PRKG1: variants seen among roughly 807,000 people sequenced by gnomAD.
PRKG1 encodes cGMP-dependent protein kinase 1.
PRKG1 carries 35 observed loss-of-function variants against 88.1 expected under a neutral mutation model. The observed-to-expected ratio is 0.40, with a 90% CI of 0.30 to 0.53. PRKG1 has a LOEUF of 0.53. Ranked by LOEUF, PRKG1 falls within the 20% of genes least tolerant of loss-of-function variation. The pLI is 0.59. For synonymous variants in PRKG1, 303 were observed against 292.5 expected, an observed-to-expected ratio of 1.04 and a Z score of -0.37; for missense variants, 540 against 839.8, an observed-to-expected ratio of 0.64 and a Z score of 4.41.
At chr10:51,619,646 A>G (rs35269043) in intron 3 of PRKG1, among the ~76,000 whole-genome samples, 2 of 152,210 alleles carry the variant, frequency 1.3e-5, no homozygotes, top group African/African-American at 4.8e-5. Context: ...TGATTGCATT[A>G]TCATCCCAGA....
chr10:51,321,897 C>T (rs1046921960), intron 2 of PRKG1, among the ~76,000 whole-genome samples: 7 of 151,980 alleles, frequency 4.6e-5, no homozygotes, highest in Non-Finnish European at 1.5e-5. Context: ...ATTATGTACC[C>T]TCAAAAATTA....
At chr10:51,279,966 C>T (rs1840245421) in intron 2 of PRKG1, among the ~76,000 whole-genome samples, 1 of 152,178 alleles carries the variant, frequency 6.6e-6, no homozygotes. Flanking sequence ...TTCTTCCTAG[C>T]ATCGATGGCC....
chr10:52,039,106 C>G (rs1845691233), intron 5 of PRKG1, among the ~76,000 whole-genome samples: 1 of 152,138 alleles, frequency 6.6e-6, no homozygotes, highest in Non-Finnish European at 1.5e-5. Context: ...AGTCACGGCA[C>G]CAAATTTCAT....
At chr10:51,049,253 G>T (rs1266653040) in intron 1 of PRKG1, among the ~76,000 whole-genome samples, 1 of 152,174 alleles carries the variant, frequency 6.6e-6, no homozygotes, top group African/African-American at 2.4e-5. Flanking sequence ...AGAGAGACTT[G>T]ATATATTTGT....
intron 9 of PRKG1, among the ~76,000 whole-genome samples, chr10:52,224,276 C>A (rs1427812194): frequency 1.3e-5 from 2 of 152,044 alleles, no homozygotes; most frequent in Non-Finnish European, 2.9e-5. Context: ...TGCTCCAGAG[C>A]AACTGCAGTT....
chr10:51,570,802 A>C (rs187270504), intron 3 of PRKG1, among the ~76,000 whole-genome samples: 12 of 152,016 alleles, frequency 7.9e-5, no homozygotes, highest in Admixed American at 6.6e-4. Context: ...AAATGAGATC[A>C]CTTCTTTTTA....
At chr10:51,344,237 G>A (rs997229293) in intron 2 of PRKG1, among the ~76,000 whole-genome samples, 2 of 152,130 alleles carry the variant, frequency 1.3e-5, no homozygotes, top group Non-Finnish European at 2.9e-5. Flanking sequence ...ATGGCTAGAG[G>A]AGTAGGAGCA....
intron 2 of PRKG1, among the ~76,000 whole-genome samples, chr10:51,191,264 T>C (rs1564632864): frequency 6.6e-6 from 1 of 151,850 alleles, no homozygotes; most frequent in African/African-American, 2.4e-5. Context: ...CTCTGAGAAA[T>C]AGTTTACCAT....
intron 9 of PRKG1, among the ~76,000 whole-genome samples, chr10:52,238,524 A>G (rs1051506043): frequency 2.0e-5 from 3 of 152,064 alleles, no homozygotes; most frequent in African/African-American, 7.2e-5. Context: ...ATGAACAGAC[A>G]CTTCTCAAAA....
chr10:51,857,974 T>G (rs867555020), intron 4 of PRKG1, among the ~76,000 whole-genome samples: 47 of 147,808 alleles, frequency 3.2e-4, no homozygotes, highest in African/African-American at 1.0e-3. Flanking sequence ...TCTATGTTGT[T>G]TTTAACACTG....
chr10:51,747,082 G>T (rs71459426), intron 3 of PRKG1, among the ~76,000 whole-genome samples: 1 of 152,174 alleles, frequency 6.6e-6, no homozygotes, highest in African/African-American at 2.4e-5. Context: ...GTCACTGGGG[G>T]TTTTTGCTTG....
intron 1 of PRKG1, among the ~76,000 whole-genome samples, chr10:51,021,868 A>T (rs1470359927): frequency 2.6e-5 from 4 of 151,890 alleles, no homozygotes; most frequent in African/African-American, 9.7e-5. Context: ...TTTAGTAGAG[A>T]TGGGGTTTCA....
chr10:51,681,624 A>G (rs1840851200), intron 3 of PRKG1, among the ~76,000 whole-genome samples: 1 of 152,186 alleles, frequency 6.6e-6, no homozygotes, highest in African/African-American at 2.4e-5. Flanking sequence ...TAAAATATGC[A>G]TAATTATAGG....
chr10:52,024,978 C>T (rs1224337012), intron 5 of PRKG1, among the ~76,000 whole-genome samples: 1 of 152,194 alleles, frequency 6.6e-6, no homozygotes, highest in East Asian at 1.9e-4. Context: ...TCTCCACATC[C>T]TCTCCAACAT....
At chr10:51,618,434 C>T (rs930011486) in intron 3 of PRKG1, among the ~76,000 whole-genome samples, 3 of 152,166 alleles carry the variant, frequency 2.0e-5, no homozygotes, top group Admixed American at 6.5e-5. Context: ...AGAGCCAAGC[C>T]TTCAAGAAAA....
chr10:52,030,937 A>G (rs1589536451), intron 5 of PRKG1, among the ~76,000 whole-genome samples: 3 of 152,324 alleles, frequency 2.0e-5, no homozygotes, highest in Non-Finnish European at 4.4e-5. Context: ...AATGTATTTT[A>G]TTACATTATA....
At chr10:51,260,213 A>G (rs1839668539) in intron 2 of PRKG1, among the ~76,000 whole-genome samples, 1 of 152,210 alleles carries the variant, frequency 6.6e-6, no homozygotes, top group Middle Eastern at 3.2e-3. Flanking sequence ...CCAGAAAACC[A>G]CTATTAATAA....
chr10:51,191,236 A>G (rs1433825762), intron 2 of PRKG1, among the ~76,000 whole-genome samples: 1 of 151,828 alleles, frequency 6.6e-6, no homozygotes, highest in Non-Finnish European at 1.5e-5. Context: ...GAGAACCAGA[A>G]CCACATTGGG....
intron 3 of PRKG1, among the ~76,000 whole-genome samples, chr10:51,651,655 C>T (rs1349918851): frequency 6.6e-6 from 1 of 151,636 alleles, no homozygotes; most frequent in African/African-American, 2.4e-5. Context: ...GCCATCCTGG[C>T]TCACTGCAAC....
Sources: allele counts gnomAD v4.1 joint callset (sites outside exome capture counted in the v4.1 genomes callset), GRCh38; gene constraint gnomAD v4.1.1; transcripts MANE v1.5; gene names NCBI Gene and HGNC (gene_info 2026-07-23, HGNC 2026-07-21).